Variants in EYS observed in about 807,000 individuals in gnomAD.
EYS encodes the protein protein eyes shut homolog.
In EYS, 250 loss-of-function variants were observed where a neutral mutation model predicts 282.1. The observed-to-expected ratio is 0.89, with a 90% CI of 0.80 to 0.98. The LOEUF is 0.98. EYS is among the 50% of genes least tolerant of loss of function. The pLI, the probability that EYS is intolerant of heterozygous loss-of-function variation, is 0.00. For synonymous variants in EYS, 1,355 were observed against 1,282.9 expected (o/e 1.06, Z -1.20); for missense variants, 4,016 against 3,709.0 (o/e 1.08, Z -2.15).
intron 12 of EYS, among the ~76,000 whole-genome samples, chr6:65,074,645 G>C (rs1773994468): frequency 6.6e-6 from 1 of 152,056 alleles, no homozygotes; most frequent in Admixed American, 6.6e-5. Context: ...CAGCAAAGCA[G>C]TAATATCAAT....
intron 14 of EYS, among the ~76,000 whole-genome samples, chr6:64,954,226 A>C (rs951929087): frequency 2.0e-5 from 3 of 151,952 alleles, no homozygotes; most frequent in Middle Eastern, 3.4e-3. Context: ...ACCTTCATAA[A>C]CCATTTGTGA....
At chr6:64,415,507 G>T (rs1256722630) in intron 28 of EYS, among the ~76,000 whole-genome samples, 1 of 152,104 alleles carries the variant, frequency 6.6e-6, no homozygotes, top group African/African-American at 2.4e-5. Context: ...ATTACTCTTG[G>T]TGAGAACATC....
intron 12 of EYS, among the ~76,000 whole-genome samples, chr6:65,282,783 T>C (rs371054323): frequency 5.3e-4 from 80 of 152,126 alleles, no homozygotes; most frequent in Admixed American, 1.1e-3. Context: ...TTGTTAGTAT[T>C]ACTTCATTGC....
intron 12 of EYS, among the ~76,000 whole-genome samples, chr6:65,070,198 C>G (rs1773863698): frequency 6.6e-6 from 1 of 151,946 alleles, no homozygotes; most frequent in Non-Finnish European, 1.5e-5. Context: ...TGCTTTGGGT[C>G]TTATCTACGT....
chr6:64,604,170 T>C (rs1766852413), intron 24 of EYS, among the ~76,000 whole-genome samples: 1 of 152,034 alleles, frequency 6.6e-6, no homozygotes, highest in Non-Finnish European at 1.5e-5. Flanking sequence ...CCTGGGACAC[T>C]GCAACGTAAC....
chr6:65,665,881 G>A (rs1241346164), intron 1 of EYS, among the ~76,000 whole-genome samples: 2 of 151,784 alleles, frequency 1.3e-5, no homozygotes, highest in Non-Finnish European at 2.9e-5. Flanking sequence ...TAATAGTGTG[G>A]GTTATTTCTT....
chr6:64,956,680 C>T (rs1012179465), intron 14 of EYS, among the ~76,000 whole-genome samples: 1 of 152,038 alleles, frequency 6.6e-6, no homozygotes, highest in Non-Finnish European at 1.5e-5. Flanking sequence ...TTGTAAATTA[C>T]CAATCTGACA....
intron 30 of EYS, among the ~76,000 whole-genome samples, chr6:64,265,271 T>C (rs1767719554): frequency 6.6e-6 from 1 of 152,192 alleles, no homozygotes; most frequent in Non-Finnish European, 1.5e-5. Flanking sequence ...GATAGTTTGC[T>C]GTAAAAGTTA....
chr6:63,800,116 G>A (rs1030982511), intron 37 of EYS, among the ~76,000 whole-genome samples: 2 of 152,150 alleles, frequency 1.3e-5, no homozygotes, highest in Non-Finnish European at 2.9e-5. Context: ...GTTCTCTGAC[G>A]GTTCTCACTG....
At chr6:64,642,358 T>C (rs1562107818) in intron 22 of EYS, among the ~76,000 whole-genome samples, 1 of 152,204 alleles carries the variant, frequency 6.6e-6, no homozygotes, top group Non-Finnish European at 1.5e-5. Context: ...ATTTGAAAAA[T>C]TATGGTAGCT....
intron 41 of EYS, among the ~76,000 whole-genome samples, chr6:63,753,162 ATATATG>A (rs1562009815): frequency 1.4e-5 from 2 of 144,338 alleles, no homozygotes; most frequent in Admixed American, 1.4e-4. Flanking sequence ...ATATATATAT[ATATATG>A]TATATATATT....
intron 35 of EYS, among the ~76,000 whole-genome samples, chr6:63,868,361 T>C (rs1178972475): frequency 6.6e-6 from 1 of 152,122 alleles, no homozygotes; most frequent in Non-Finnish European, 1.5e-5. Context: ...AGAAGCTGGC[T>C]TGAAAAGGGT....
intron 31 of EYS, among the ~76,000 whole-genome samples, chr6:64,224,590 C>T (rs1454215238): frequency 6.6e-6 from 1 of 151,950 alleles, no homozygotes; most frequent in African/African-American, 2.4e-5. Flanking sequence ...TAAACTGATC[C>T]TTTTAAGTAC....
chr6:65,072,069 C>T (rs4273666), intron 12 of EYS, among the ~76,000 whole-genome samples: 1 of 151,582 alleles, frequency 6.6e-6, no homozygotes, highest in South Asian at 2.1e-4. Flanking sequence ...TGGACTAAGA[C>T]AAATAGTAAG....
At chr6:64,889,555 C>T (rs1000629486) in intron 18 of EYS, among the ~76,000 whole-genome samples, 3 of 151,956 alleles carry the variant, frequency 2.0e-5, no homozygotes, top group African/African-American at 4.8e-5. Flanking sequence ...GACAGAAGAA[C>T]GTGGATTGTG....
At chr6:65,220,216 T>C (rs1766425487) in intron 12 of EYS, among the ~76,000 whole-genome samples, 1 of 152,116 alleles carries the variant, frequency 6.6e-6, no homozygotes, top group Admixed American at 6.6e-5. Context: ...ATTTTATTTT[T>C]AAAAGTATCA....
At chr6:65,585,691 A>G (rs1765020160) in intron 2 of EYS, among the ~76,000 whole-genome samples, 1 of 151,978 alleles carries the variant, frequency 6.6e-6, no homozygotes, top group Non-Finnish European at 1.5e-5. Flanking sequence ...GTTGTCTGGC[A>G]TATGAGACTA....
At chr6:65,442,462 A>T (rs1307594720) in intron 5 of EYS, among the ~76,000 whole-genome samples, 1 of 152,012 alleles carries the variant, frequency 6.6e-6, no homozygotes, top group Non-Finnish European at 1.5e-5. Context: ...CATAAATTTT[A>T]AAAATGAATA....
chr6:65,018,860 G>A (rs572596476), intron 13 of EYS, among the ~76,000 whole-genome samples: 131 of 152,100 alleles, frequency 8.6e-4, no homozygotes, highest in Admixed American at 3.7e-3. Context: ...TATTGTTGTT[G>A]TTGTTTAAAT....
Sources: gnomAD v4.1 joint callset for allele counts (sites outside exome capture counted in the v4.1 genomes callset) on GRCh38, gnomAD v4.1.1 for gene constraint, MANE v1.5 for transcripts, NCBI Gene and HGNC (gene_info 2026-07-23, HGNC 2026-07-21) for gene names.